The following CNBD1 variants were observed in gnomAD, a reference collection of about 807,000 sequenced individuals.
CNBD1 encodes the protein cyclic nucleotide binding domain containing 1.
Under a neutral mutation model 54.4 loss-of-function variants are expected in CNBD1, and 71 were observed. The observed-to-expected ratio is 1.30, with a 90% confidence interval of 1.08 to 1.59. The LOEUF (loss-of-function observed/expected upper bound fraction) is 1.59. Ranked by LOEUF, CNBD1 falls within the 40% of genes most tolerant of loss-of-function variation. The pLI is 0.00. For synonymous variants in CNBD1, 182 were observed against 170.7 expected (o/e 1.07, Z -0.51); for missense variants, 659 against 518.0 (o/e 1.27, Z -2.64).
chr8:87,425,960 C>T (rs548985962), intron 2 of CNBD1, among the ~76,000 whole-genome samples: 76 of 152,304 alleles, frequency 5.0e-4, no homozygotes, highest in Non-Finnish European at 9.1e-4. Context: ...GCTGTGCTAG[C>T]AATCAGCGAG....
rs753191574 is a variant in CNBD1 at position 86,905,103 on chromosome 8, T to A, written c.181T>A (p.Ser61Thr). ...QHSRSMSNIL[S>T]AHDTFMKQYP... ...AAGCCGGAGTATGAGCAATATCTTATCAGCTCACGATACATTTATGAAGCA... is the reference window on the plus strand; with the variant it reads ...AAGCCGGAGTATGAGCAATATCTTAACAGCTCACGATACATTTATGAAGCA... The change falls in exon 3 of 11, where the codon TCA (serine) becomes ACA (threonine). Residue 61 changes from serine (S) to threonine (T), a missense_variant. By Grantham distance (58) the Ser-to-Thr change is moderately conservative. Coordinates refer to ENST00000518476, the MANE Select transcript of CNBD1 (RefSeq NM_173538.3). 9.3e-6 allele frequency: 15 copies of A among 1,609,436 alleles called. No individual in the cohort carries two copies. Among genetic ancestry groups the A allele is most frequent in the East Asian group, 2.2e-5 (1 of 44,814 alleles).
chr8:87,390,166 A>G (rs906555879), intron 2 of CNBD1, among the ~76,000 whole-genome samples: 18 of 152,102 alleles, frequency 1.2e-4, no homozygotes, highest in Admixed American at 1.2e-3. Flanking sequence ...CCTAGGCAAT[A>G]CCATTCAGGA....
intron 4 of CNBD1, among the ~76,000 whole-genome samples, chr8:86,975,008 A>T (rs1808310009): frequency 6.6e-6 from 1 of 151,934 alleles, no homozygotes; most frequent in Non-Finnish European, 1.5e-5. Flanking sequence ...CTATTGGGAA[A>T]CTCCTTTAGG....
chr8:87,217,499 A>T (rs1814237208), intron 5 of CNBD1, among the ~76,000 whole-genome samples: 1 of 152,048 alleles, frequency 6.6e-6, no homozygotes, highest in South Asian at 2.1e-4. Flanking sequence ...AATCTAATCT[A>T]GACAACAAAC....
intron 5 of CNBD1, among the ~76,000 whole-genome samples, chr8:87,231,644 G>GT (rs1216623219): frequency 6.6e-6 from 1 of 151,930 alleles, no homozygotes; most frequent in Non-Finnish European, 1.5e-5. Context: ...TTTTTCTCTA[G>GT]TTTTTTTCTC....
intron 4 of CNBD1, among the ~76,000 whole-genome samples, chr8:87,051,250 G>A (rs1395685193): frequency 6.6e-6 from 1 of 152,120 alleles, no homozygotes; most frequent in Non-Finnish European, 1.5e-5. Context: ...TGCCTGGATT[G>A]GAGAGGAGAA....
chr8:87,092,433 G>GTGTGTGTGTGTATATATATACACATA (rs1811228209), intron 4 of CNBD1, among the ~76,000 whole-genome samples: 2 of 143,434 alleles, frequency 1.4e-5, no homozygotes, highest in African/African-American at 5.6e-5. Context: ...ATGTATGTAT[G>GTGTGTGTGTGTATATATATACACATA]TGTGTGTGTA....
intron 4 of CNBD1, among the ~76,000 whole-genome samples, chr8:87,096,112 A>G (rs553364458): frequency 6.6e-6 from 1 of 152,268 alleles, no homozygotes. Context: ...TACAGGGACT[A>G]TTTTGTAGGA....
intron 8 of CNBD1, among the ~76,000 whole-genome samples, chr8:87,294,976 G>A (rs1051291641): frequency 6.6e-6 from 1 of 151,358 alleles, no homozygotes; most frequent in Non-Finnish European, 1.5e-5. Flanking sequence ...TACAATTCAA[G>A]AATCTTCAAT....
chr8:87,151,755 TAAA>T (rs60249460), intron 4 of CNBD1, among the ~76,000 whole-genome samples: 1 of 152,134 alleles, frequency 6.6e-6, no homozygotes, highest in Non-Finnish European at 1.5e-5. Context: ...AAATGCATAT[TAAA>T]AATATTTTGA....
chr8:86,969,687 A>G (rs1051263313), intron 4 of CNBD1, among the ~76,000 whole-genome samples: 3 of 151,806 alleles, frequency 2.0e-5, no homozygotes, highest in African/African-American at 7.3e-5. Flanking sequence ...ACCTATTACA[A>G]TATGTATTTT....
At chr8:86,963,460 G>A (rs188157010) in intron 4 of CNBD1, among the ~76,000 whole-genome samples, 1 of 152,086 alleles carries the variant, frequency 6.6e-6, no homozygotes, top group African/African-American at 2.4e-5. Flanking sequence ...GGTGCCTCAG[G>A]GGGGTGTATG....
intron 5 of CNBD1, among the ~76,000 whole-genome samples, chr8:87,210,548 A>G (rs1814074820): frequency 6.6e-6 from 1 of 152,194 alleles, no homozygotes; most frequent in South Asian, 2.1e-4. Flanking sequence ...GCTGCCCTGC[A>G]TAGCCTCAGG....
At chr8:87,225,473 C>T (rs1814461102) in intron 5 of CNBD1, among the ~76,000 whole-genome samples, 1 of 150,522 alleles carries the variant, frequency 6.6e-6, no homozygotes, top group Non-Finnish European at 1.5e-5. Context: ...TTGTCAAAGG[C>T]CTTTTCTGCA....
intron 4 of CNBD1, among the ~76,000 whole-genome samples, chr8:86,984,141 C>A (rs1013265214): frequency 4.6e-5 from 7 of 152,130 alleles, no homozygotes; most frequent in African/African-American, 1.7e-4. Flanking sequence ...CTAAAAGTGG[C>A]AAACATAGAG....
At chr8:87,354,564 A>G (rs1294997352) in intron 10 of CNBD1, among the ~76,000 whole-genome samples, 1 of 128,062 alleles carries the variant, frequency 7.8e-6, no homozygotes, top group African/African-American at 3.1e-5. Context: ...CCTTCCCCCC[A>G]CCCCACAACT....
intron 8 of CNBD1, among the ~76,000 whole-genome samples, chr8:87,303,704 A>G (rs1320134024): frequency 1.3e-5 from 2 of 149,796 alleles, no homozygotes; most frequent in African/African-American, 2.5e-5. Context: ...CAGGCAACCT[A>G]CAGAATGGGA....
At chr8:86,903,828 T>G (rs61286158) in intron 2 of CNBD1, among the ~76,000 whole-genome samples, 1,747 of 151,540 alleles carry the variant, frequency 0.012, 28 homozygotes, top group Middle Eastern at 0.041. Flanking sequence ...GGTAGATGTG[T>G]AAAACAGATG....
chr8:87,411,427 T>TATATATATATATATATATATATA (rs71277943), intron 2 of CNBD1, among the ~76,000 whole-genome samples: 196 of 140,676 alleles, frequency 1.4e-3, no homozygotes, highest in South Asian at 1.8e-3. Flanking sequence ...TATATATATA[T>TATATATATATATATATATATATA]TTCATTCACA....
Sources: allele counts gnomAD v4.1 joint callset (sites outside exome capture counted in the v4.1 genomes callset), GRCh38; gene constraint gnomAD v4.1.1; transcripts MANE v1.5; gene names NCBI Gene and HGNC (gene_info 2026-07-23, HGNC 2026-07-21).